ZNF609: variants seen among roughly 807,000 people sequenced by gnomAD.
ZNF609 encodes zinc finger protein 609.
A neutral mutation model predicts 109.5 loss-of-function variants in ZNF609; 11 were observed. That is an observed-to-expected ratio of 0.10 (90% confidence interval 0.06 to 0.17). ZNF609 has a LOEUF of 0.17. ZNF609 is among the 10% of genes least tolerant of loss of function. ZNF609 has a pLI of 1.00. For missense variants in ZNF609, 1,559 were observed against 1,772.4 expected, an observed-to-expected ratio of 0.88 and a Z score of 2.16; for synonymous variants, 646 against 662.0, an observed-to-expected ratio of 0.98 and a Z score of 0.37.
rs550933421 is a variant in ZNF609, at chr15:64,619,389, C to T, written c.748-3438C>T. Among the ~76,000 whole-genome samples the T allele has an allele frequency of 2.6e-5, 4 of 152,250 alleles. No individual in the cohort carries two copies. The East Asian group carries it at 7.7e-4, about 29-fold the overall frequency. On this transcript the variant is annotated intron_variant, in intron 2 of 9. Coordinates refer to ENST00000326648, the MANE Select transcript of ZNF609 (RefSeq NM_015042.2). Reference sequence around the variant, plus strand: ...TAATAGAATATGAAATCCTGTAAAGCCACATAGGTTATTAGATGAATATCA... The same window carrying T: ...TAATAGAATATGAAATCCTGTAAAGTCACATAGGTTATTAGATGAATATCA...
chr15:64,630,258 G>A (rs1358525764), intron 3 of ZNF609, among the ~76,000 whole-genome samples: 2 of 151,776 alleles, frequency 1.3e-5, no homozygotes, highest in East Asian at 3.9e-4. Flanking sequence ...TTTTAGTAGA[G>A]ATGGGTTTTC....
chr15:64,540,339 G>A (rs956659000), intron 2 of ZNF609, among the ~76,000 whole-genome samples: 1 of 152,150 alleles, frequency 6.6e-6, no homozygotes, highest in African/African-American at 2.4e-5. Flanking sequence ...ATGGCTTTGT[G>A]TTTAGTAATC....
At chr15:64,639,965 G>A (rs1896229545) in intron 3 of ZNF609, among the ~76,000 whole-genome samples, 1 of 152,014 alleles carries the variant, frequency 6.6e-6, no homozygotes, top group South Asian at 2.1e-4. Context: ...TGTCGCCCAG[G>A]CTGGATTGCA....
In ZNF609 at chr15:64,674,891, G is replaced by A. The variant is rs151162773; in HGVS notation, c.2037G>A (p.Ala679=). 564 of 1,613,844 alleles carry A rather than the reference G, an allele frequency of 3.5e-4. No homozygotes were observed. The highest frequency in any genetic ancestry group is 4.6e-4 in the Non-Finnish European group (548 of 1,180,036). Residue 679 remains alanine, a synonymous_variant, in exon 5 of 10, where the codon GCG becomes GCA. Coordinates refer to ENST00000326648, the MANE Select transcript of ZNF609 (RefSeq NM_015042.2). ...YTFQTATFTA[A]SPGSSSGLTA... ...TCCAGACAGCCACCTTCACAGCAGC[G>A]AGCCCAGGCTCTTCCTCAGGCTTGA... is the stretch of plus-strand genomic sequence containing the variant.
intron 3 of ZNF609, among the ~76,000 whole-genome samples, chr15:64,658,645 G>C (rs1012357859): frequency 1.3e-5 from 2 of 151,676 alleles, no homozygotes; most frequent in African/African-American, 4.8e-5. Flanking sequence ...TGACAATAGC[G>C]TATATGTTGG....
intron 2 of ZNF609, among the ~76,000 whole-genome samples, chr15:64,588,292 G>A (rs1895232034): frequency 6.7e-6 from 1 of 149,774 alleles, no homozygotes; most frequent in Admixed American, 6.6e-5. Flanking sequence ...AGCCGGGCGT[G>A]GTGGCGGGCA....
chr15:64,467,909 G>T (rs1363987923), intron 1 of ZNF609, among the ~76,000 whole-genome samples: 1 of 151,946 alleles, frequency 6.6e-6, no homozygotes, highest in Non-Finnish European at 1.5e-5. Flanking sequence ...TGCTTCTTCT[G>T]TTCTAACACT....
At chr15:64,594,276 T>G (rs529143096) in intron 2 of ZNF609, among the ~76,000 whole-genome samples, 6 of 152,298 alleles carry the variant, frequency 3.9e-5, no homozygotes, top group South Asian at 2.1e-4. Context: ...GTTTTGTTTT[T>G]TTTGTTTGTT....
intron 2 of ZNF609, among the ~76,000 whole-genome samples, chr15:64,554,184 C>CA (rs1567012875): frequency 2.0e-5 from 3 of 152,066 alleles, no homozygotes; most frequent in African/African-American, 7.2e-5. Flanking sequence ...CCGTTTTTAC[C>CA]ATTAAATATG....
At chr15:64,541,245 G>A (rs1894253912) in intron 2 of ZNF609, among the ~76,000 whole-genome samples, 1 of 150,802 alleles carries the variant, frequency 6.6e-6, no homozygotes, top group Non-Finnish European at 1.5e-5. Context: ...GGCTAACACG[G>A]TGAAACCCCG....
chr15:64,485,926 T>TC (rs1893326213), intron 1 of ZNF609, among the ~76,000 whole-genome samples: 1 of 152,140 alleles, frequency 6.6e-6, no homozygotes. Context: ...TGTTCAGACC[T>TC]CCCCATTTTA....
At chr15:64,565,057 CTT>C (rs1296267501) in intron 2 of ZNF609, among the ~76,000 whole-genome samples, 2 of 115,566 alleles carry the variant, frequency 1.7e-5, no homozygotes, top group African/African-American at 3.2e-5. Context: ...CTTTTTTTTT[CTT>C]TTTTTTTTTT....
intron 2 of ZNF609, among the ~76,000 whole-genome samples, chr15:64,526,936 G>A (rs1893975178): frequency 6.6e-6 from 1 of 152,002 alleles, no homozygotes; most frequent in African/African-American, 2.4e-5. Context: ...CAGGCATAAA[G>A]CACCGTACCC....
rs57143769 is a variant in ZNF609, at chr15:64,553,192, A to G, written c.747+53026A>G. On this transcript the variant is annotated intron_variant, in intron 2 of 9. Coordinates refer to ENST00000326648, the MANE Select transcript of ZNF609 (RefSeq NM_015042.2). ...TGAAGTCATATGATTTAAATCTTTC[A>G]ACTTTGTTCTTTCAAAGTTATTTGG... Among the ~76,000 whole-genome samples, 7 of 152,102 alleles carry G rather than the reference A, an allele frequency of 4.6e-5. No individual in the cohort carries two copies. In the East Asian group the frequency reaches 1.2e-3, roughly 25 times the overall value.
chr15:64,539,171 TTTATTTATTTA>T (rs759352227), intron 2 of ZNF609, among the ~76,000 whole-genome samples: 7,644 of 137,438 alleles, frequency 0.056, 287 homozygotes, highest in African/African-American at 0.11. Flanking sequence ...GCCTTATTTA[TTTATTTATTTA>T]TTTATTTATT....
rs1555422612 is a variant in ZNF609 at position 64,609,064 on chromosome 15, T to TTTTCTTTCTTTCTC, written c.748-13750_748-13749insCTTTCTTTCTTTCT. 3.1e-3 allele frequency among the ~76,000 whole-genome samples: 366 copies of TTTTCTTTCTTTCTC among 119,104 alleles called. 9 individuals carry two copies. The highest frequency in any genetic ancestry group is 0.012 in the African/African-American group (353 of 30,140). 78.1% of individuals were successfully genotyped at this position (119,104 alleles called of 152,430 possible). The stretch of plus-strand genomic sequence containing the variant: ...GTTACTTGCATGTTTTAGTTTTAAT[T>TTTTCTTTCTTTCTC]TTTCTTTCTTTCTTTCTTTCTTTCT... On this transcript the variant is annotated intron_variant, in intron 2 of 9. Coordinates refer to ENST00000326648, the MANE Select transcript of ZNF609 (RefSeq NM_015042.2).
chr15:64,680,049 C>A, intron 6 of ZNF609, 136 bp from the exon 7 acceptor site: 1 of 921,110 alleles, frequency 1.1e-6, no homozygotes, highest in Non-Finnish European at 1.6e-6. Context: ...AGCCAACAGT[C>A]TCAGCCAAAG....
intron 2 of ZNF609, among the ~76,000 whole-genome samples, chr15:64,556,714 A>C (rs866841661): frequency 6.6e-6 from 1 of 152,166 alleles, no homozygotes; most frequent in South Asian, 2.1e-4. Context: ...CATGTTGACC[A>C]GTTCTTGGTT....
In ZNF609 at chr15:64,499,298, ATGT is replaced by A. The variant is rs1156751356; in HGVS notation, c.-118_-116del. 7.7e-7 allele frequency: 1 copy of A among 1,297,822 alleles called. No individual in the cohort carries two copies. The highest frequency in any genetic ancestry group is 1.5e-5 in the South Asian group (1 of 64,980). The allele number at this position is 1,297,822 out of a possible 1,614,324, so 80.4% of individuals were successfully genotyped here. Reference sequence around the variant, plus strand: ...TTTAAATTTTCTTTTTCCAGCAATGATGTTGTCCACTGGGCATGTACTGACCAA... The same window carrying A: ...TTTAAATTTTCTTTTTCCAGCAATGATGTCCACTGGGCATGTACTGACCAA... On this transcript the variant is annotated 5_prime_UTR_variant, in exon 2 of 10. Transcript: ENST00000326648.
Sources: allele counts gnomAD v4.1 joint callset (sites outside exome capture counted in the v4.1 genomes callset), GRCh38; gene constraint gnomAD v4.1.1; transcripts MANE v1.5; gene names NCBI Gene and HGNC (gene_info 2026-07-23, HGNC 2026-07-21).